Variants in HACD1 observed in about 807,000 individuals in gnomAD.
The protein encoded by HACD1 is 3-hydroxyacyl-CoA dehydratase 1.
Under a neutral mutation model 32.0 loss-of-function variants are expected in HACD1, and 41 were observed. That is an observed-to-expected ratio of 1.28 (90% CI 1.00 to 1.66). The LOEUF is 1.66. HACD1 is among the 40% of genes most tolerant of loss of function. HACD1 has a pLI of 0.00. For missense variants in HACD1, 396 were observed against 380.1 expected, an observed-to-expected ratio of 1.04 and a Z score of -0.35; for synonymous variants, 142 against 139.0, an observed-to-expected ratio of 1.02 and a Z score of -0.15.
intron 1 of HACD1, among the ~76,000 whole-genome samples, chr10:17,615,250 A>G (rs1017066639): frequency 6.6e-6 from 1 of 152,350 alleles, no homozygotes; most frequent in Non-Finnish European, 1.5e-5. Context: ...GTTGAAACCC[A>G]TGTCTGACTG....
At chr10:17,616,908 G>GC (rs1296214101) in intron 1 of HACD1, among the ~76,000 whole-genome samples, 175 bp downstream of exon 1, 3 of 151,452 alleles carry the variant, frequency 2.0e-5, no homozygotes, top group Non-Finnish European at 4.4e-5. Flanking sequence ...GCAGGGCCCG[G>GC]CCCCCCCGCC....
intron 1 of HACD1, among the ~76,000 whole-genome samples, chr10:17,616,527 TTA>T (rs1554818082): frequency 6.6e-6 from 1 of 151,902 alleles, no homozygotes; most frequent in East Asian, 1.9e-4. Context: ...AAGGTCCAGC[TTA>T]TCAGCCACGG....
chr10:17,595,753 G>C (rs1162907438), intron 5 of HACD1, among the ~76,000 whole-genome samples: 2 of 151,804 alleles, frequency 1.3e-5, no homozygotes, highest in Non-Finnish European at 2.9e-5. Flanking sequence ...CTATATAACA[G>C]TTACCACAGA....
intron 6 of HACD1, 126 bp downstream of exon 6, chr10:17,594,079 T>C (rs1253089664): frequency 2.2e-6 from 2 of 900,838 alleles, no homozygotes; most frequent in African/African-American, 1.7e-5. Context: ...AAATATGGAG[T>C]TAAACCGAAG....
At chr10:17,595,676 C>A (rs1204412073) in intron 5 of HACD1, among the ~76,000 whole-genome samples, 1 of 151,522 alleles carries the variant, frequency 6.6e-6, no homozygotes, top group Non-Finnish European at 1.5e-5. Flanking sequence ...ATAAGAGGGG[C>A]CTAAAGGATC....
intron 5 of HACD1, among the ~76,000 whole-genome samples, chr10:17,597,257 C>A (rs1834006342): frequency 6.6e-6 from 1 of 152,180 alleles, no homozygotes. Context: ...AGCAATTCTC[C>A]TGCCTCGGCC....
At chr10:17,604,715 T>C (rs1224981438) in intron 1 of HACD1, among the ~76,000 whole-genome samples, 1 of 152,164 alleles carries the variant, frequency 6.6e-6, no homozygotes, top group Non-Finnish European at 1.5e-5. Context: ...AATTATTGGC[T>C]GATTGATTGA....
At chr10:17,604,160 T>G in intron 1 of HACD1, 113 bp from the exon 2 acceptor site, 1 of 730,930 alleles carries the variant, frequency 1.4e-6, no homozygotes, top group Non-Finnish European at 2.3e-6. Flanking sequence ...GCAACCCAGG[T>G]GTCCATAAGT....
rs138669370 is a variant in HACD1 at position 17,590,069 on chromosome 10, A to C, written c.*295T>G. ...CTAAATATTGATTTAAAAAGCTTTG[A>C]GCATGTTTCAAAAAAAACTTAGCAA... On this transcript the variant is annotated 3_prime_UTR_variant, in exon 7 of 7. Coordinates refer to ENST00000361271, the MANE Select transcript of HACD1 (RefSeq NM_014241.4). 6.5e-3 allele frequency: 1,249 copies of C among 191,518 alleles called. 18 individuals are homozygous for C. The highest frequency in any genetic ancestry group is 0.028 in the African/African-American group (1,187 of 43,102). The allele number at this position is 191,518 out of a possible 1,614,324, so 11.9% of individuals were successfully genotyped here.
intron 1 of HACD1, among the ~76,000 whole-genome samples, chr10:17,609,964 C>T (rs1834207091): frequency 1.4e-5 from 2 of 141,838 alleles, no homozygotes; most frequent in Non-Finnish European, 3.0e-5. Flanking sequence ...GCGTAGGTGG[C>T]ACAGTGAGAC....
intron 1 of HACD1, among the ~76,000 whole-genome samples, chr10:17,608,659 G>A (rs527913273): frequency 1.8e-4 from 27 of 151,600 alleles, no homozygotes; most frequent in Admixed American, 1.2e-3. Context: ...GCTAATTTTT[G>A]TATTTTTAGT....
intron 1 of HACD1, among the ~76,000 whole-genome samples, chr10:17,608,168 C>T (rs984589013): frequency 6.6e-6 from 1 of 152,038 alleles, no homozygotes; most frequent in South Asian, 2.1e-4. Flanking sequence ...TACCACCATA[C>T]CTGGCTCATT....
intron 1 of HACD1, among the ~76,000 whole-genome samples, chr10:17,614,609 G>A (rs1833044996): frequency 6.6e-6 from 1 of 152,028 alleles, no homozygotes; most frequent in East Asian, 1.9e-4. Context: ...CAGCTACTCA[G>A]GAGGCTGAGG....
chr10:17,616,640 G>A (rs761367149), intron 1 of HACD1, among the ~76,000 whole-genome samples: 4 of 141,902 alleles, frequency 2.8e-5, no homozygotes, highest in Non-Finnish European at 4.5e-5. Flanking sequence ...GACGTGCTGT[G>A]CTTTAAAAAA....
chr10:17,604,371 C>T (rs1554816874), intron 1 of HACD1, among the ~76,000 whole-genome samples: 2 of 151,486 alleles, frequency 1.3e-5, no homozygotes. Context: ...TGAGTCCCAG[C>T]TACTCAGGAG....
At position 17,600,228 on chromosome 10, in the gene HACD1, A is replaced by G. The variant is rs189606140; in HGVS notation, c.484-817T>C. ...CTTATTCCATAAAAAATCTTTTCCT[A>G]TCTTTCAAGATTCAGCTAAAACATC... On this transcript the variant is annotated intron_variant, in intron 4 of 6. Transcript: ENST00000361271. Among the ~76,000 whole-genome samples the G allele has an allele frequency of 2.5e-4, 38 of 152,306 alleles. No homozygotes were observed. The East Asian group carries it at 6.4e-3, about 25-fold the overall frequency.
intron 1 of HACD1, among the ~76,000 whole-genome samples, chr10:17,606,640 C>T (rs943388379): frequency 6.6e-6 from 1 of 152,170 alleles, no homozygotes; most frequent in Non-Finnish European, 1.5e-5. Flanking sequence ...GATGAAAATG[C>T]ATTCTCAAGA....
At chr10:17,592,372 CA>C (rs1345283943) in intron 6 of HACD1, among the ~76,000 whole-genome samples, 3 of 151,950 alleles carry the variant, frequency 2.0e-5, no homozygotes, top group Non-Finnish European at 4.4e-5. Context: ...ACTAAGTACT[CA>C]AAAAGTACTT....
At chr10:17,609,155 G>GTTTTTTTTTTTTTTTTTTTTTTTTT (rs56347429) in intron 1 of HACD1, among the ~76,000 whole-genome samples, 4 of 132,128 alleles carry the variant, frequency 3.0e-5, no homozygotes, top group African/African-American at 8.6e-5. Context: ...TGTGCAAAAG[G>GTTTTTTTTTTTTTTTTTTTTTTTTT]TTTTTTTTTT....
Sources: allele counts gnomAD v4.1 joint callset (sites outside exome capture counted in the v4.1 genomes callset), GRCh38; gene constraint gnomAD v4.1.1; transcripts MANE v1.5; gene names NCBI Gene and HGNC (gene_info 2026-07-23, HGNC 2026-07-21).